The following NKAIN2 variants were observed in gnomAD, a reference collection of about 807,000 sequenced individuals.
The protein encoded by NKAIN2 is sodium/potassium-transporting ATPase subunit beta-1-interacting protein 2.
In NKAIN2, 14 loss-of-function variants were observed where a neutral mutation model predicts 32.6. The ratio of observed to expected loss-of-function variants is 0.43; its 90% CI spans 0.28 to 0.67. The LOEUF (loss-of-function observed/expected upper bound fraction) is 0.67. Ranked by LOEUF, NKAIN2 falls within the 30% of genes least tolerant of loss-of-function variation. NKAIN2 has a pLI of 0.17. For missense variants in NKAIN2, 198 were observed against 258.3 expected, an observed-to-expected ratio of 0.77 and a Z score of 1.60; for synonymous variants, 80 against 87.2, an observed-to-expected ratio of 0.92 and a Z score of 0.46.
intron 1 of NKAIN2, among the ~76,000 whole-genome samples, chr6:123,951,721 A>G (rs1777336804): frequency 6.6e-6 from 1 of 151,718 alleles, no homozygotes. Context: ...TAGTCTATTC[A>G]GCCAATATGT....
At chr6:124,020,500 C>A (rs561958925) in intron 1 of NKAIN2, among the ~76,000 whole-genome samples, 6 of 152,138 alleles carry the variant, frequency 3.9e-5, no homozygotes, top group African/African-American at 1.4e-4. Context: ...TCTGAGTTTT[C>A]TGCCCAACTT....
intron 1 of NKAIN2, among the ~76,000 whole-genome samples, chr6:124,018,576 A>C (rs541750144): frequency 6.6e-6 from 1 of 152,288 alleles, no homozygotes; most frequent in Admixed American, 6.5e-5. Flanking sequence ...ACAGATCTCT[A>C]GGGTGGGGAG....
chr6:124,310,788 G>A (rs1438144046), intron 2 of NKAIN2, among the ~76,000 whole-genome samples: 1 of 152,074 alleles, frequency 6.6e-6, no homozygotes, highest in Non-Finnish European at 1.5e-5. Flanking sequence ...GACCAGATAT[G>A]TTCAGAATCC....
At chr6:124,328,651 T>A (rs1797519573) in intron 2 of NKAIN2, among the ~76,000 whole-genome samples, 1 of 152,176 alleles carries the variant, frequency 6.6e-6, no homozygotes, top group African/African-American at 2.4e-5. Context: ...GTTATAGGGC[T>A]CTCTAAAGCC....
chr6:124,561,196 C>A (rs770731289), intron 3 of NKAIN2, among the ~76,000 whole-genome samples: 40 of 152,132 alleles, frequency 2.6e-4, no homozygotes, highest in Non-Finnish European at 1.2e-4. Context: ...ATCCCAGATG[C>A]CTACAATACA....
intron 1 of NKAIN2, among the ~76,000 whole-genome samples, chr6:124,190,600 C>T (rs1789966566): frequency 6.6e-6 from 1 of 152,084 alleles, no homozygotes; most frequent in Admixed American, 6.6e-5. Context: ...TTTAGTGGTG[C>T]AATGTTTTGT....
At chr6:124,592,727 G>A (rs143751970) in intron 3 of NKAIN2, among the ~76,000 whole-genome samples, 41 of 152,292 alleles carry the variant, frequency 2.7e-4, no homozygotes, top group African/African-American at 9.6e-4. Flanking sequence ...TCATGTAGTG[G>A]TTAAGTTGAC....
chr6:124,259,465 T>C (rs926124632), intron 1 of NKAIN2, among the ~76,000 whole-genome samples: 2 of 152,098 alleles, frequency 1.3e-5, no homozygotes, highest in African/African-American at 4.8e-5. Context: ...GAAAGTCAGT[T>C]TCTATGTTTA....
At chr6:124,710,444 A>G (rs1470109683) in intron 4 of NKAIN2, among the ~76,000 whole-genome samples, 2 of 150,970 alleles carry the variant, frequency 1.3e-5, no homozygotes, top group Non-Finnish European at 3.0e-5. Context: ...AAAGTCTCCC[A>G]TTATTAATGC....
At chr6:124,229,257 G>A (rs1211067334) in intron 1 of NKAIN2, among the ~76,000 whole-genome samples, 1 of 152,104 alleles carries the variant, frequency 6.6e-6, no homozygotes, top group Non-Finnish European at 1.5e-5. Flanking sequence ...ATATAAAGAT[G>A]AATTTAATGG....
chr6:124,256,159 G>A (rs973143251), intron 1 of NKAIN2, among the ~76,000 whole-genome samples: 1 of 152,078 alleles, frequency 6.6e-6, no homozygotes, highest in Non-Finnish European at 1.5e-5. Context: ...GTTATCATTT[G>A]GGCAAAAATA....
At chr6:124,470,563 C>G (rs1776931658) in intron 3 of NKAIN2, among the ~76,000 whole-genome samples, 2 of 152,098 alleles carry the variant, frequency 1.3e-5, no homozygotes, top group Admixed American at 1.3e-4. Context: ...AGCACACATG[C>G]ACACACACAT....
rs3039590 is a variant in NKAIN2, at chr6:123,976,348, CATATAT to C, written c.54+172109_54+172114del. Among the ~76,000 whole-genome samples, 123 of 13,672 alleles carry C rather than the reference CATATAT, an allele frequency of 9.0e-3. 4 individuals are homozygous for C. Among genetic ancestry groups the C allele is most frequent in the African/African-American group, 0.026 (103 of 4,030 alleles). The allele number at this position is 13,672 out of a possible 152,430, so 9.0% of individuals were successfully genotyped here. Reference sequence around the variant, plus strand: ...ATGTTCCCATATATATATATGTTCCCATATATATATATATATATATTCCCATATATA... The same window carrying C: ...ATGTTCCCATATATATATATGTTCCCATATATATATATATTCCCATATATA... On this transcript the variant is annotated intron_variant, in intron 1 of 6. Coordinates refer to ENST00000368417, the MANE Select transcript of NKAIN2 (RefSeq NM_001040214.3).
Position 124,157,155 on chromosome 6 carries a change from A to C in NKAIN2, c.55-125850A>C, listed in dbSNP as rs1338894884. On this transcript the variant is annotated intron_variant, in intron 1 of 6. Coordinates refer to ENST00000368417, the MANE Select transcript of NKAIN2 (RefSeq NM_001040214.3). ...GTGACCTAACCAAAGCAGTAACAGA[A>C]AACATGGAGACACAGAGATATTCTT... Among the ~76,000 whole-genome samples the C allele has an allele frequency of 4.0e-5, 6 of 150,670 alleles. No individual in the cohort carries two copies. In the East Asian group the frequency reaches 1.2e-3, roughly 29 times the overall value.
intron 1 of NKAIN2, among the ~76,000 whole-genome samples, chr6:124,070,690 C>T (rs1362880296): frequency 6.6e-6 from 1 of 152,068 alleles, no homozygotes; most frequent in Non-Finnish European, 1.5e-5. Context: ...ACTTCTATTG[C>T]CCATTAGAAG....
intron 1 of NKAIN2, among the ~76,000 whole-genome samples, chr6:123,908,949 C>T (rs1775024314): frequency 1.3e-5 from 2 of 152,202 alleles, no homozygotes; most frequent in Admixed American, 6.5e-5. Flanking sequence ...GCATGACACT[C>T]TCTACCATTG....
intron 3 of NKAIN2, among the ~76,000 whole-genome samples, chr6:124,357,311 T>C (rs563205768): frequency 1.7e-4 from 26 of 152,302 alleles, no homozygotes; most frequent in African/African-American, 4.8e-4. Flanking sequence ...TTCCTCTCTT[T>C]CGTGTTCAAA....
chr6:124,755,626 C>T (rs902816041), intron 4 of NKAIN2, among the ~76,000 whole-genome samples: 8 of 152,094 alleles, frequency 5.3e-5, no homozygotes, highest in African/African-American at 1.4e-4. Flanking sequence ...AATCAAATAC[C>T]GCATTTGCTC....
intron 5 of NKAIN2, among the ~76,000 whole-genome samples, chr6:124,801,642 C>T (rs187075252): frequency 1.4e-4 from 22 of 152,168 alleles, no homozygotes; most frequent in South Asian, 6.2e-4. Flanking sequence ...GCCTTTATGG[C>T]GCCTACAATC....
Sources: allele counts gnomAD v4.1 joint callset (sites outside exome capture counted in the v4.1 genomes callset), GRCh38; gene constraint gnomAD v4.1.1; transcripts MANE v1.5; gene names NCBI Gene and HGNC (gene_info 2026-07-23, HGNC 2026-07-21).